Variants in NIPBL observed in about 807,000 individuals in gnomAD.
NIPBL encodes NIPBL cohesin loading factor.
A neutral mutation model predicts 321.8 loss-of-function variants in NIPBL; 19 were observed. That is an observed-to-expected ratio of 0.06 (90% CI 0.04 to 0.09). The LOEUF (loss-of-function observed/expected upper bound fraction) is 0.09, where lower values mean the gene tolerates loss of function less well. Ranked by LOEUF, NIPBL falls within the 10% of genes least tolerant of loss-of-function variation. The pLI, the probability that NIPBL is intolerant of heterozygous loss-of-function variation, is 1.00. For missense variants in NIPBL, 2,210 were observed against 3,327.0 expected (o/e 0.66, Z 8.26); for synonymous variants, 1,106 against 1,114.1 (o/e 0.99, Z 0.14).
At chr5:37,027,913 C>G (rs927233509) in intron 32 of NIPBL, among the ~76,000 whole-genome samples, 1 of 152,154 alleles carries the variant, frequency 6.6e-6, no homozygotes, top group African/African-American at 2.4e-5. Context: ...GCCACTGCGC[C>G]TGGCCTTCAG....
chr5:36,994,876 T>G (rs969007049), intron 10 of NIPBL, among the ~76,000 whole-genome samples: 1 of 94,210 alleles, frequency 1.1e-5, no homozygotes, highest in African/African-American at 1.0e-4. Context: ...TTTTATTGCC[T>G]TGACTCTTGT....
At chr5:36,937,573 A>AG (rs557643401) in intron 1 of NIPBL, among the ~76,000 whole-genome samples, 56 of 152,180 alleles carry the variant, frequency 3.7e-4, no homozygotes, top group Admixed American at 6.5e-4. Context: ...AGAGAAGAAA[A>AG]GGAGAAGTTG....
At chr5:37,013,590 T>G (rs928044022) in intron 21 of NIPBL, among the ~76,000 whole-genome samples, 4 of 149,074 alleles carry the variant, frequency 2.7e-5, no homozygotes, top group African/African-American at 1.0e-4. Context: ...GCAGAGGTGC[T>G]CCCCACATCT....
At chr5:36,991,745 G>GT (rs34780358) in intron 10 of NIPBL, among the ~76,000 whole-genome samples, 20,813 of 127,474 alleles carry the variant, frequency 0.16, 1,662 homozygotes, top group Admixed American at 0.22. Context: ...GCCTGCCCAA[G>GT]TTTTTTTTTT....
chr5:36,926,881 T>A (rs1196871002), intron 1 of NIPBL, among the ~76,000 whole-genome samples: 5 of 152,120 alleles, frequency 3.3e-5, no homozygotes, highest in Non-Finnish European at 7.4e-5. Flanking sequence ...AAAAAATTGG[T>A]AATAGGGCAA....
chr5:36,911,497 G>T (rs1748046810), intron 1 of NIPBL, among the ~76,000 whole-genome samples: 1 of 152,032 alleles, frequency 6.6e-6, no homozygotes, highest in African/African-American at 2.4e-5. Flanking sequence ...TCCCTCTTCT[G>T]ATCTTACTTG....
intron 34 of NIPBL, among the ~76,000 whole-genome samples, chr5:37,040,151 ATAT>A (rs1322286273): frequency 2.0e-5 from 3 of 152,150 alleles, no homozygotes; most frequent in Admixed American, 1.3e-4. Flanking sequence ...AACCTGTTAT[ATAT>A]TATTTATATC....
chr5:36,995,247 G>A (rs1034659448), intron 10 of NIPBL: 3 of 185,582 alleles, frequency 1.6e-5, no homozygotes, highest in Non-Finnish European at 3.3e-5. Flanking sequence ...CAAAATTTAT[G>A]TACTACCAAG....
chr5:36,931,400 C>T (rs1749764858), intron 1 of NIPBL, among the ~76,000 whole-genome samples: 1 of 151,322 alleles, frequency 6.6e-6, no homozygotes, highest in Non-Finnish European at 1.5e-5. Context: ...TCACTGCAGC[C>T]TCTGCCTCCT....
chr5:36,968,095 CAAAA>C (rs1194609840), intron 6 of NIPBL, among the ~76,000 whole-genome samples: 2 of 54,190 alleles, frequency 3.7e-5, no homozygotes, highest in South Asian at 7.2e-4. Flanking sequence ...GACTCTGTCT[CAAAA>C]AAAAAAAAAA....
chr5:37,051,696 A>G, intron 40 of NIPBL, 83 bp from the exon 41 acceptor site: 1 of 869,714 alleles, frequency 1.1e-6, no homozygotes, highest in Non-Finnish European at 1.9e-6. Context: ...CATATATCTC[A>G]GATATATGAA....
intron 1 of NIPBL, among the ~76,000 whole-genome samples, chr5:36,947,637 A>C (rs1739833355): frequency 6.6e-6 from 1 of 152,058 alleles, no homozygotes; most frequent in African/African-American, 2.4e-5. Flanking sequence ...TTATTTAAAT[A>C]TTCAGAGAAA....
chr5:36,973,417 A>G (rs908964677), intron 8 of NIPBL, among the ~76,000 whole-genome samples: 11 of 151,714 alleles, frequency 7.3e-5, no homozygotes, highest in Admixed American at 5.9e-4. Flanking sequence ...TTACATAGGT[A>G]TACATGTGCC....
chr5:36,987,393 G>A (rs1744942613), intron 10 of NIPBL, among the ~76,000 whole-genome samples: 1 of 152,174 alleles, frequency 6.6e-6, no homozygotes, highest in Admixed American at 6.5e-5. Flanking sequence ...TTCATTAGTA[G>A]TCACATGTGG....
At chr5:36,912,478 G>C (rs901670829) in intron 1 of NIPBL, among the ~76,000 whole-genome samples, 1 of 151,344 alleles carries the variant, frequency 6.6e-6, no homozygotes, top group African/African-American at 2.4e-5. Flanking sequence ...GCTAGAGTTT[G>C]TCCTAGAGAA....
chr5:36,983,196 A>G (rs1165755753), intron 9 of NIPBL, among the ~76,000 whole-genome samples: 3 of 151,904 alleles, frequency 2.0e-5, no homozygotes, highest in African/African-American at 7.2e-5. Flanking sequence ...GAAACAATCT[A>G]ATGATAATAT....
chr5:37,044,551 T>A (rs978870582), intron 35 of NIPBL, 64 bp downstream of exon 35: 1 of 1,585,502 alleles, frequency 6.3e-7, no homozygotes, highest in Non-Finnish European at 8.6e-7. Flanking sequence ...TTTATTAAAA[T>A]TTTTAAAGCA....
chr5:36,979,773 G>GA (rs1743927920), intron 9 of NIPBL, among the ~76,000 whole-genome samples: 1 of 151,514 alleles, frequency 6.6e-6, no homozygotes, highest in Non-Finnish European at 1.5e-5. Context: ...CATATCAAAT[G>GA]AAAAAAGTAA....
chr5:36,954,353 CTTTTG>C (rs1156707101), intron 2 of NIPBL, among the ~76,000 whole-genome samples: 1 of 152,070 alleles, frequency 6.6e-6, no homozygotes, highest in Non-Finnish European at 1.5e-5. Context: ...ACTTTTCTGG[CTTTTG>C]TTTTGTTTTG....
Sources: allele counts gnomAD v4.1 joint callset (sites outside exome capture counted in the v4.1 genomes callset), GRCh38; gene constraint gnomAD v4.1.1; transcripts MANE v1.5; gene names NCBI Gene and HGNC (gene_info 2026-07-23, HGNC 2026-07-21).